Variants in TMED10 observed in about 807,000 individuals in gnomAD.
TMED10 encodes the protein transmembrane p24 trafficking protein 10, also known as transmembrane emp24 domain-containing protein 10.
In TMED10, 7 loss-of-function variants were observed where a neutral mutation model predicts 23.1. The ratio of observed to expected loss-of-function variants is 0.30; its 90% CI spans 0.17 to 0.57. The LOEUF (loss-of-function observed/expected upper bound fraction) is 0.57. Ranked by LOEUF, TMED10 falls within the 20% of genes least tolerant of loss-of-function variation. TMED10 has a pLI of 0.91. For missense variants in TMED10, 162 were observed against 274.8 expected, an observed-to-expected ratio of 0.59 and a Z score of 2.90; for synonymous variants, 113 against 106.9, an observed-to-expected ratio of 1.06 and a Z score of -0.35.
chr14:75,155,543 A>C (rs1173959302), intron 1 of TMED10, among the ~76,000 whole-genome samples: 2 of 152,228 alleles, frequency 1.3e-5, no homozygotes, highest in Non-Finnish European at 2.9e-5. Context: ...ACAAAACATC[A>C]CATTATATAT....
intron 1 of TMED10, among the ~76,000 whole-genome samples, chr14:75,159,398 T>C (rs1896060221): frequency 6.6e-6 from 1 of 152,232 alleles, no homozygotes; most frequent in South Asian, 2.1e-4. Context: ...AAGGTGAAAG[T>C]ACTGAAAAGA....
intron 3 of TMED10, among the ~76,000 whole-genome samples, chr14:75,145,055 C>T (rs1895865904): frequency 6.6e-6 from 1 of 152,220 alleles, no homozygotes; most frequent in South Asian, 2.1e-4. Context: ...TCCTCCTCTA[C>T]ATCAATCTGG....
At chr14:75,169,634 G>A (rs989726323) in intron 1 of TMED10, among the ~76,000 whole-genome samples, 8 of 151,944 alleles carry the variant, frequency 5.3e-5, no homozygotes, top group Non-Finnish European at 1.0e-4. Context: ...CTCCAGCCTG[G>A]GCAAAAAGAG....
intron 1 of TMED10, among the ~76,000 whole-genome samples, chr14:75,165,171 C>A (rs762967254): frequency 2.0e-5 from 3 of 151,976 alleles, no homozygotes; most frequent in Non-Finnish European, 4.4e-5. Context: ...GAAAGAACAC[C>A]AACTCATTAA....
At chr14:75,171,324 G>C (rs1425897135) in intron 1 of TMED10, among the ~76,000 whole-genome samples, 1 of 151,190 alleles carries the variant, frequency 6.6e-6, no homozygotes, top group Non-Finnish European at 1.5e-5. Context: ...CTGTCACCCA[G>C]GCTGGAGTGC....
intron 1 of TMED10, among the ~76,000 whole-genome samples, chr14:75,164,467 G>A (rs1292436661): frequency 1.4e-5 from 2 of 145,802 alleles, no homozygotes; most frequent in Non-Finnish European, 3.0e-5. Flanking sequence ...TCCTGACCAT[G>A]TGATCCACCC....
At chr14:75,158,041 A>AGGG (rs1236100477) in intron 1 of TMED10, among the ~76,000 whole-genome samples, 1 of 152,206 alleles carries the variant, frequency 6.6e-6, no homozygotes, top group African/African-American at 2.4e-5. Flanking sequence ...TTCCCCCAAA[A>AGGG]GGAATGTCTG....
At chr14:75,169,405 T>C (rs1234545892) in intron 1 of TMED10, among the ~76,000 whole-genome samples, 1 of 152,222 alleles carries the variant, frequency 6.6e-6, no homozygotes, top group East Asian at 1.9e-4. Flanking sequence ...GGCTCACGCC[T>C]GTAATCCCAG....
At chr14:75,173,669 G>T (rs1896264175) in intron 1 of TMED10, among the ~76,000 whole-genome samples, 1 of 152,198 alleles carries the variant, frequency 6.6e-6, no homozygotes, top group South Asian at 2.1e-4. Context: ...ACACAGGAGA[G>T]CAACTGAGTG....
intron 3 of TMED10, among the ~76,000 whole-genome samples, chr14:75,141,272 C>T (rs1042414653): frequency 4.6e-5 from 7 of 152,088 alleles, no homozygotes; most frequent in Non-Finnish European, 5.9e-5. Context: ...AACCAAAACA[C>T]GGAGGGAGTA....
chr14:75,174,450 G>C (rs1896274284), intron 1 of TMED10, among the ~76,000 whole-genome samples: 1 of 152,096 alleles, frequency 6.6e-6, no homozygotes, highest in Non-Finnish European at 1.5e-5. Flanking sequence ...ATGAGAGCAA[G>C]GTCTCTTTCA....
At position 75,157,523 on chromosome 14, in the gene TMED10, G is replaced by A. The variant is rs575638036; in HGVS notation, c.226-5380C>T. ...AATTAGCTGGGTGTGGTTGACATGC[G>A]CCTGTGGTCCCAGCTACTCAGGAGG... On this transcript the variant is annotated intron_variant, in intron 1 of 4. Coordinates refer to ENST00000303575, the MANE Select transcript of TMED10 (RefSeq NM_006827.6). Among the ~76,000 whole-genome samples, 31 of 152,148 alleles carry A rather than the reference G, an allele frequency of 2.0e-4. No homozygotes were observed. The South Asian group carries it at 6.0e-3, about 30-fold the overall frequency.
At position 75,176,383 on chromosome 14, in the gene TMED10, C is replaced by T. The variant is rs749508117; in HGVS notation, c.197G>A (p.Gly66Asp). Reference sequence around the variant, plus strand: ...GAGGTGGCTGCGCAGGCCGCCAGCGCCCCCAGACTGGTCGGAGATCTCGTA... The same window carrying T: ...GAGGTGGCTGCGCAGGCCGCCAGCGTCCCCAGACTGGTCGGAGATCTCGTA... ...GAYEISDQSG[G>D]AGGLRSHLKI... The change falls in exon 1 of 5, where the codon GGC (glycine) becomes GAC (aspartate). Residue 66 changes from glycine to aspartate, a missense_variant. By Grantham distance (94) the Gly-to-Asp change is moderately conservative. This residue lies in a region of TMED10 where 126 missense variants were observed against 239.5 expected (regional missense o/e 0.53). Coordinates refer to ENST00000303575, the MANE Select transcript of TMED10 (RefSeq NM_006827.6). The T allele has an allele frequency of 3.7e-6, 6 of 1,614,228 alleles. No homozygotes were observed. The South Asian group carries it at 6.6e-5, about 18-fold the overall frequency.
Position 75,176,344 on chromosome 14 carries a change from C to T in TMED10, c.225+11G>A. On this transcript the variant is annotated intron_variant, in intron 1 of 4. Transcript: ENST00000303575. ...TCTTCCCTCCCGGCCCCACGTCGCC[C>T]AATGCCGCACCTTGAGGTGGCTGCG... 1 of 1,613,910 alleles carries T rather than the reference C, an allele frequency of 6.2e-7. No individual in the cohort carries two copies. The highest frequency in any genetic ancestry group is 8.5e-7 in the Non-Finnish European group (1 of 1,179,860).
chr14:75,170,798 C>T (rs1229898525), intron 1 of TMED10, among the ~76,000 whole-genome samples: 1 of 152,110 alleles, frequency 6.6e-6, no homozygotes, highest in African/African-American at 2.4e-5. Flanking sequence ...ATATTAATTC[C>T]TTAAGAATAA....
intron 1 of TMED10, among the ~76,000 whole-genome samples, chr14:75,169,403 C>T (rs770315074): frequency 4.6e-5 from 7 of 152,188 alleles, no homozygotes; most frequent in Non-Finnish European, 1.0e-4. Context: ...GTGGCTCACG[C>T]CTGTAATCCC....
intron 1 of TMED10, among the ~76,000 whole-genome samples, chr14:75,168,796 G>C (rs1020897207): frequency 6.6e-6 from 1 of 152,108 alleles, no homozygotes; most frequent in Non-Finnish European, 1.5e-5. Context: ...TTAAACTAAA[G>C]ACACAAAGAT....
At chr14:75,136,875 A>T (rs1261528685) in intron 3 of TMED10, 1 of 152,082 alleles carries the variant, frequency 6.6e-6, no homozygotes, top group Admixed American at 6.6e-5. Context: ...CTCAAGTTAG[A>T]CCCCTAAGAA....
intron 3 of TMED10, among the ~76,000 whole-genome samples, chr14:75,138,884 G>A (rs559824093): frequency 1.4e-4 from 20 of 140,242 alleles, no homozygotes; most frequent in Admixed American, 1.0e-3. Context: ...CCTAAAACCC[G>A]AAAAACAATG....
Sources: allele counts gnomAD v4.1 joint callset (sites outside exome capture counted in the v4.1 genomes callset), GRCh38; gene constraint gnomAD v4.1.1; regional missense constraint gnomAD v4.1.1; transcripts MANE v1.5; gene names NCBI Gene and HGNC (gene_info 2026-07-23, HGNC 2026-07-21).